The following USP40 variants were observed in gnomAD, a reference collection of about 807,000 sequenced individuals.
The protein encoded by USP40 is ubiquitin carboxyl-terminal hydrolase 40.
In USP40, 143 loss-of-function variants were observed where a neutral mutation model predicts 166.2. That is an observed-to-expected ratio of 0.86 (90% confidence interval 0.75 to 0.99). USP40 has a LOEUF of 0.99. Ranked by LOEUF, USP40 falls within the 50% of genes least tolerant of loss-of-function variation. The pLI, the probability that USP40 is intolerant of heterozygous loss-of-function variation, is 0.00. For missense variants in USP40, 1,444 were observed against 1,479.7 expected (o/e 0.98, Z 0.40); for synonymous variants, 498 against 524.0 (o/e 0.95, Z 0.68).
rs1332025462 is a variant in USP40, at chr2:233,556,981, G to A, written c.420C>T (p.Ile140=). The A allele has an allele frequency of 2.5e-6, 4 of 1,613,580 alleles. No individual in the cohort carries two copies. Among genetic ancestry groups the A allele is most frequent in the Non-Finnish European group, 3.4e-6 (4 of 1,179,782 alleles). ...AAGAAGTTTCCAAAGCGCTGAAGAGGATTCGATTCAGTTCCTGCACATCAT... is the reference window on the plus strand; with the variant it reads ...AAGAAGTTTCCAAAGCGCTGAAGAGAATTCGATTCAGTTCCTGCACATCAT... ...RQHDVQELNR[I]LFSALETSLV... The change falls in exon 5 of 32, where the codon ATC becomes ATT. Residue 140 remains isoleucine (I), a synonymous_variant. Coordinates refer to ENST00000678225, the MANE Select transcript of USP40 (RefSeq NM_001365479.2).
intron 24 of USP40, among the ~76,000 whole-genome samples, chr2:233,494,786 C>T (rs1362027733): frequency 4.3e-5 from 6 of 139,562 alleles, no homozygotes; most frequent in South Asian, 2.3e-4. Context: ...GATCATGCCA[C>T]TGTACTTCAG....
Position 233,542,347 on chromosome 2 carries a change from G to C in USP40, c.983C>G (p.Pro328Arg), listed in dbSNP as rs774794479. 2 of 1,553,534 alleles carry C rather than the reference G, an allele frequency of 1.3e-6. No homozygotes were observed. The highest frequency in any genetic ancestry group is 8.7e-7 in the Non-Finnish European group (1 of 1,149,168). Residue 328 changes from proline (P) to arginine (R), a missense_variant, in exon 9 of 32, where the codon CCA becomes CGA. By Grantham distance (103) the Pro-to-Arg change is moderately radical (BLOSUM62 -2). Transcript: ENST00000678225. ...CTGGAGATCTTTCAGATTCACATCT[G>C]GTTTACTTTTTTCCTCCTAGGAAGG... ...NWQFQEEKSKPDVNLKDLQSE... is the reference protein window; with the variant it reads ...NWQFQEEKSKRDVNLKDLQSE...
chr2:233,538,496 T>C (rs565670857), intron 10 of USP40, among the ~76,000 whole-genome samples: 10 of 152,264 alleles, frequency 6.6e-5, no homozygotes, highest in African/African-American at 2.2e-4. Flanking sequence ...AAAGGAATCA[T>C]AAGTTCATAT....
intron 10 of USP40, among the ~76,000 whole-genome samples, chr2:233,539,323 G>A (rs1310647305): frequency 6.6e-6 from 1 of 152,006 alleles, no homozygotes; most frequent in Non-Finnish European, 1.5e-5. Context: ...CCTCTTTAGT[G>A]AACACAGAAC....
At chr2:233,482,288 C>T (rs1159156593) in intron 30 of USP40, among the ~76,000 whole-genome samples, 1 of 151,348 alleles carries the variant, frequency 6.6e-6, no homozygotes, top group African/African-American at 2.4e-5. Flanking sequence ...CACTTGAACT[C>T]GGGAGGTGGA....
intron 2 of USP40, among the ~76,000 whole-genome samples, chr2:233,563,366 T>TG (rs2071837550): frequency 6.6e-6 from 1 of 152,150 alleles, no homozygotes; most frequent in African/African-American, 2.4e-5. Flanking sequence ...TGCCACCCAA[T>TG]GGGGCATACC....
intron 24 of USP40, among the ~76,000 whole-genome samples, chr2:233,494,919 TA>T (rs59515561): frequency 0.11 from 8,665 of 78,674 alleles, 917 homozygotes; most frequent in Non-Finnish European, 0.16. Context: ...AAATGGCATA[TA>T]TATATATATA....
rs771259821 is a variant in USP40, at chr2:233,556,953, C to T, written c.448G>A (p.Val150Ile). The T allele has an allele frequency of 2.5e-6, 4 of 1,613,998 alleles. No homozygotes were observed. The highest frequency in any genetic ancestry group is 4.5e-5 in the East Asian group (2 of 44,870). The change falls in exon 5 of 32, where the codon GTT (valine) becomes ATT (isoleucine). Residue 150 changes from valine (V) to isoleucine (I), a missense_variant. Coordinates refer to ENST00000678225, the MANE Select transcript of USP40 (RefSeq NM_001365479.2). ...ATGAGGTCATGACCGGAGGTCCCAACTAAAGAAGTTTCCAAAGCGCTGAAG... is the reference window on the plus strand; with the variant it reads ...ATGAGGTCATGACCGGAGGTCCCAATTAAAGAAGTTTCCAAAGCGCTGAAG... ...ILFSALETSL[V>I]GTSGHDLIYR...
In USP40 at chr2:233,524,562, C is replaced by G. The variant is rs1449707253; in HGVS notation, c.1811G>C (p.Gly604Ala). ...AGLHIYQSLG[G>A]DELTLCETEI... ...AGTTTCACACAGTGTCAGTTCATCC[C>G]CTAGAAAGAGATCACCAGTGAGACC... Residue 604 changes from glycine to alanine, a missense_variant and splice_region_variant, in exon 15 of 32, where the codon GGG (glycine) becomes GCG (alanine). Transcript: ENST00000678225. 1 of 1,592,000 alleles carries G rather than the reference C, an allele frequency of 6.3e-7. No individual in the cohort carries two copies. The highest frequency in any genetic ancestry group is 8.5e-7 in the Non-Finnish European group (1 of 1,169,776).
chr2:233,523,102 A>C, intron 16 of USP40, 68 bp downstream of exon 16: 2 of 1,462,386 alleles, frequency 1.4e-6, no homozygotes, highest in South Asian at 2.7e-5. Flanking sequence ...AAAGCTTTAG[A>C]GTTCTGCTGG....
intron 23 of USP40, among the ~76,000 whole-genome samples, chr2:233,497,512 G>A (rs941885090): frequency 6.6e-6 from 1 of 152,148 alleles, no homozygotes; most frequent in African/African-American, 2.4e-5. Flanking sequence ...CAGTTTGGAG[G>A]CTGAGAGGAA....
intron 24 of USP40, among the ~76,000 whole-genome samples, chr2:233,494,454 C>T (rs2065535937): frequency 6.6e-6 from 1 of 152,058 alleles, no homozygotes; most frequent in Non-Finnish European, 1.5e-5. Flanking sequence ...AGCCATTCCA[C>T]GTTTAGGAAT....
intron 26 of USP40, among the ~76,000 whole-genome samples, chr2:233,490,777 G>GT (rs1389050504): frequency 1.3e-5 from 2 of 152,104 alleles, no homozygotes; most frequent in African/African-American, 2.4e-5. Context: ...TGGAAAACTG[G>GT]TAACACAGCT....
chr2:233,555,728 C>T (rs13394960), intron 5 of USP40, among the ~76,000 whole-genome samples: 4 of 151,014 alleles, frequency 2.6e-5, no homozygotes, highest in African/African-American at 4.9e-5. Flanking sequence ...CTCCACCTCC[C>T]GGGTTCAAGC....
At chr2:233,523,638 C>G (rs2067815329) in intron 15 of USP40, 149 bp from the exon 16 acceptor site, 1 of 753,256 alleles carries the variant, frequency 1.3e-6, no homozygotes, top group African/African-American at 1.8e-5. Context: ...ATCAGAGGAA[C>G]AACTTCAGAT....
At chr2:233,506,278 G>A (rs77537898) in intron 21 of USP40, among the ~76,000 whole-genome samples, 2,122 of 152,186 alleles carry the variant, frequency 0.014, 57 homozygotes, top group African/African-American at 0.049. Context: ...AATGGTTCTG[G>A]GAAAATTGGA....
chr2:233,545,287 T>G (rs928169402), intron 8 of USP40, among the ~76,000 whole-genome samples: 1 of 152,038 alleles, frequency 6.6e-6, no homozygotes, highest in South Asian at 2.1e-4. Flanking sequence ...AAACCGGCAA[T>G]GTAGAGATGA....
At chr2:233,519,183 A>T (rs1159909790) in intron 18 of USP40, among the ~76,000 whole-genome samples, 1 of 152,152 alleles carries the variant, frequency 6.6e-6, no homozygotes, top group Non-Finnish European at 1.5e-5. Flanking sequence ...TGGTTATAGA[A>T]CTCTACACAT....
intron 21 of USP40, among the ~76,000 whole-genome samples, chr2:233,507,478 G>A (rs2066504753): frequency 6.6e-6 from 1 of 151,966 alleles, no homozygotes; most frequent in Non-Finnish European, 1.5e-5. Flanking sequence ...TACACAACAG[G>A]GTACTATTCA....
Sources: gnomAD v4.1 joint callset for allele counts (sites outside exome capture counted in the v4.1 genomes callset) on GRCh38, gnomAD v4.1.1 for gene constraint, MANE v1.5 for transcripts, NCBI Gene and HGNC (gene_info 2026-07-23, HGNC 2026-07-21) for gene names.